CDC27: variants seen among roughly 807,000 people sequenced by gnomAD.
The protein encoded by CDC27 is cell division cycle protein 27 homolog.
In CDC27, 27 loss-of-function variants were observed where a neutral mutation model predicts 109.7. The ratio of observed to expected loss-of-function variants is 0.25; its 90% CI spans 0.18 to 0.34. The LOEUF is 0.34. Ranked by LOEUF, CDC27 falls within the 10% of genes least tolerant of loss-of-function variation. CDC27 has a pLI of 1.00. For synonymous variants in CDC27, 266 were observed against 333.9 expected (o/e 0.80, Z 2.22); for missense variants, 579 against 960.2 (o/e 0.60, Z 5.25).
intron 16 of CDC27, among the ~76,000 whole-genome samples, chr17:47,125,487 C>T (rs2062111338): frequency 6.6e-6 from 1 of 151,360 alleles, no homozygotes; most frequent in African/African-American, 2.4e-5. Context: ...CTCAAGTGAT[C>T]CTCTCACCTT....
Position 47,122,544 on chromosome 17 carries a change from C to T in CDC27, c.2292G>A (p.Met764Ile). 6.2e-7 allele frequency: 1 copy of T among 1,612,354 alleles called. No homozygotes were observed. Residue 764 changes from methionine (M) to isoleucine (I), a missense_variant, in exon 18 of 19, where the codon ATG (methionine) becomes ATA (isoleucine). Physicochemically the swap from Met to Ile is conservative, Grantham distance 10 (BLOSUM62 1). Transcript: ENST00000066544. ...HLALMNFSWA[M>I]DLDPKGANNQ... ...TATTGGCTCCTTTAGGATCTAAATC[C>T]ATAGCCCAAGAGAAATTCATCAGGG... is the stretch of plus-strand genomic sequence containing the variant.
At chr17:47,150,057 T>C (rs1490184462) in intron 9 of CDC27, among the ~76,000 whole-genome samples, 1 of 152,088 alleles carries the variant, frequency 6.6e-6, no homozygotes, top group East Asian at 1.9e-4. Context: ...ATAACATATA[T>C]AGAAATTAAA....
intron 9 of CDC27, among the ~76,000 whole-genome samples, chr17:47,149,976 C>A (rs865750): frequency 0.66 from 99,893 of 151,698 alleles, 33,187 homozygotes; most frequent in East Asian, 0.72. Flanking sequence ...AAAACAAAAA[C>A]AAAACTCTAT....
chr17:47,122,304 C>T (rs1439432838), intron 18 of CDC27, 140 bp downstream of exon 18: 1 of 514,292 alleles, frequency 1.9e-6, no homozygotes, highest in Non-Finnish European at 3.4e-6. Context: ...GTTATTACAT[C>T]ACCCTGTTCA....
At chr17:47,169,352 A>C (rs954426617) in intron 4 of CDC27, among the ~76,000 whole-genome samples, 1 of 152,002 alleles carries the variant, frequency 6.6e-6, no homozygotes, top group Non-Finnish European at 1.5e-5. Context: ...AAGGTAAAAT[A>C]AACTAACATG....
chr17:47,141,864 C>T lies in CDC27; in HGVS notation c.1540G>A (p.Glu514Lys). 3.1e-6 allele frequency: 5 copies of T among 1,590,760 alleles called. No individual in the cohort carries two copies. Among genetic ancestry groups the T allele is most frequent in the Non-Finnish European group, 4.3e-6 (5 of 1,171,466 alleles). The change falls in exon 12 of 19, where the codon GAG becomes AAG. Residue 514 changes from glutamate (E) to lysine (K), a missense_variant. Glu to Lys is a moderately conservative substitution (Grantham distance 56). Transcript: ENST00000066544. The part of the protein sequence containing the change: ...QIGRAYFELS[E>K]YMQAERIFSE... ...TTTTCTATACTTACTTGCATGTACT[C>T]TGAAAGTTCAAAATAGGCCCTTCCA...
intron 8 of CDC27, 92 bp from the exon 9 acceptor site, chr17:47,152,010 A>G (rs1218103332): frequency 2.4e-5 from 28 of 1,180,770 alleles, no homozygotes; most frequent in Non-Finnish European, 2.7e-5. Context: ...CATTTTCTCA[A>G]TACAAGCAGC....
rs2063158951 is a variant in CDC27 at position 47,151,798 on chromosome 17, A to G, written c.1070+8T>C. On this transcript the variant is annotated splice_region_variant and intron_variant, in intron 9 of 18. Transcript: ENST00000066544. ...CAAGAAAAGTTGAATAATTACAATG[A>G]TAAATACCTTGTTTGTGGACCAGAA... 6.4e-7 allele frequency: 1 copy of G among 1,570,480 alleles called. No individual in the cohort carries two copies. Among genetic ancestry groups the G allele is most frequent in the Non-Finnish European group, 8.6e-7 (1 of 1,159,624 alleles).
Position 47,123,880 on chromosome 17 carries a change from C to T in CDC27, c.2235+6G>A. ...CACTGTTTGGGACCATGACCCCAGT[C>T]TTTACCTTTCCTATTAAGAAGTAAA... On this transcript the variant is annotated splice_donor_region_variant and intron_variant, in intron 17 of 18. Transcript: ENST00000066544. 2 of 1,581,260 alleles carry T rather than the reference C, an allele frequency of 1.3e-6. No individual in the cohort carries two copies. Among genetic ancestry groups the T allele is most frequent in the Non-Finnish European group, 1.7e-6 (2 of 1,166,736 alleles).
chr17:47,131,955 G>A (rs1017090043), intron 15 of CDC27, among the ~76,000 whole-genome samples: 1 of 144,902 alleles, frequency 6.9e-6, no homozygotes, highest in African/African-American at 2.6e-5. Context: ...ACAGGCATGA[G>A]CCACTGCAAC....
In CDC27 at chr17:47,137,266, T is replaced by C; in HGVS notation, c.1799A>G (p.Tyr600Cys). The C allele has an allele frequency of 6.2e-7, 1 of 1,611,726 alleles. No homozygotes were observed. The highest frequency in any genetic ancestry group is 8.5e-7 in the Non-Finnish European group (1 of 1,178,640). ...FQRAIQVDPN[Y>C]AYAYTLLGHE... ...CCCTAATAGAGTATAGGCATAAGCG[T>C]AATTTGGATCAACTTGGATAGCTCT... Residue 600 changes from tyrosine to cysteine, a missense_variant, in exon 14 of 19, where the codon TAC (tyrosine) becomes TGC (cysteine). Physicochemically the swap from Tyr to Cys is radical, Grantham distance 194 (BLOSUM62 -2). Around this residue, in one of 9 missense-constraint regions of CDC27, gnomAD observed 227 missense variants for 363.6 expected, o/e 0.62. Coordinates refer to ENST00000066544, the MANE Select transcript of CDC27 (RefSeq NM_001256.6).
intron 15 of CDC27, 35 bp from the exon 16 acceptor site, chr17:47,129,556 T>C (rs753652128): frequency 7.4e-6 from 11 of 1,496,460 alleles, no homozygotes; most frequent in African/African-American, 1.4e-5. Context: ...ATACTCCCTC[T>C]TGATATTTAT....
At chr17:47,133,416 G>A (rs995949767) in intron 14 of CDC27, among the ~76,000 whole-genome samples, 1 of 139,498 alleles carries the variant, frequency 7.2e-6, no homozygotes, top group African/African-American at 2.7e-5. Flanking sequence ...GGGACTACAG[G>A]TGTGAGTCAT....
intron 1 of CDC27, among the ~76,000 whole-genome samples, chr17:47,184,545 CA>C (rs1377501109): frequency 6.6e-6 from 1 of 151,878 alleles, no homozygotes; most frequent in Non-Finnish European, 1.5e-5. Context: ...AAATAAGAGG[CA>C]AGGGCGGGGG....
At chr17:47,126,361 C>G (rs2062140482) in intron 16 of CDC27, among the ~76,000 whole-genome samples, 1 of 152,138 alleles carries the variant, frequency 6.6e-6, no homozygotes, top group Non-Finnish European at 1.5e-5. Context: ...AAGCCCCAAG[C>G]TCATACCCAA....
intron 12 of CDC27, among the ~76,000 whole-genome samples, chr17:47,140,187 T>G (rs2062752569): frequency 6.6e-6 from 1 of 152,158 alleles, no homozygotes; most frequent in African/African-American, 2.4e-5. Flanking sequence ...TAAAGGTAAG[T>G]GTGCAGCCTT....
intron 3 of CDC27, among the ~76,000 whole-genome samples, chr17:47,171,483 T>A (rs913839805): frequency 2.6e-5 from 4 of 152,196 alleles, no homozygotes; most frequent in African/African-American, 9.7e-5. Context: ...AAATTTGGTA[T>A]AGGGACAGCT....
intron 9 of CDC27, among the ~76,000 whole-genome samples, chr17:47,145,145 C>T (rs2062916724): frequency 6.6e-6 from 1 of 152,090 alleles, no homozygotes; most frequent in African/African-American, 2.4e-5. Flanking sequence ...CAAACTGAAC[C>T]AAATATATGG....
At chr17:47,187,457 C>T (rs939759545) in intron 1 of CDC27, among the ~76,000 whole-genome samples, 19 of 152,020 alleles carry the variant, frequency 1.2e-4, no homozygotes, top group Non-Finnish European at 2.4e-4. Flanking sequence ...CCCACCACCA[C>T]GCCTGGCTAA....
Sources: allele counts gnomAD v4.1 joint callset (sites outside exome capture counted in the v4.1 genomes callset), GRCh38; gene constraint gnomAD v4.1.1; regional missense constraint gnomAD v4.1.1; transcripts MANE v1.5; gene names NCBI Gene and HGNC (gene_info 2026-07-23, HGNC 2026-07-21).